The following CAST variants were observed in gnomAD, a reference collection of about 807,000 sequenced individuals.
CAST encodes the protein MIR583 host.
In CAST, 76 loss-of-function variants were observed where a neutral mutation model predicts 119.6. The observed-to-expected ratio is 0.64, with a 90% confidence interval of 0.53 to 0.77. CAST has a LOEUF of 0.77. CAST is among the 30% of genes least tolerant of loss of function. CAST has a pLI of 0.00. For missense variants in CAST, 953 were observed against 946.5 expected, an observed-to-expected ratio of 1.01 and a Z score of -0.09; for synonymous variants, 319 against 331.6, an observed-to-expected ratio of 0.96 and a Z score of 0.41.
chr5:96,129,109 T>C, the CAST span, among the ~76,000 whole-genome samples: 1 of 152,102 alleles, frequency 6.6e-6, no homozygotes, highest in Non-Finnish European at 1.5e-5. Flanking sequence ...TGCACTCTTC[T>C]CTATCCTTAG....
the CAST span, among the ~76,000 whole-genome samples, chr5:96,141,860 C>T: frequency 3.9e-5 from 6 of 152,272 alleles, no homozygotes; most frequent in Non-Finnish European, 7.4e-5. Context: ...GGGCGGCATG[C>T]GCTAATGTTA....
Position 96,727,471 on chromosome 5 carries a change from C to A in CAST, c.337-18C>A. 6.9e-7 allele frequency: 1 copy of A among 1,451,682 alleles called. No individual in the cohort carries two copies. The highest frequency in any genetic ancestry group is 9.4e-7 in the Non-Finnish European group (1 of 1,062,998). 89.9% of individuals were successfully genotyped at this position (1,451,682 alleles called of 1,614,324 possible). A position where few individuals can be genotyped will look rare whatever the true frequency, so the allele number is the denominator to read the frequency against. On this transcript the variant is annotated intron_variant, in intron 5 of 31. Transcript: ENST00000675179. ...CTTTTCTTCCTTCCTTTTTTTCTTT[C>A]TTTTTTTCTGAACTTAGGCTGTAAA...
At chr5:96,565,258 G>A (rs938236547) in intron 1 of CAST, among the ~76,000 whole-genome samples, 4 of 151,694 alleles carry the variant, frequency 2.6e-5, no homozygotes, top group Admixed American at 2.0e-4. Flanking sequence ...CATATAGAGA[G>A]GATTTTAAAT....
chr5:96,742,674 C>G lies in CAST; in HGVS notation c.1118C>G (p.Ala373Gly). Residue 373 changes from alanine (A) to glycine (G), a missense_variant, in exon 16 of 32, where the codon GCA (alanine) becomes GGA (glycine). Ala to Gly is a moderately conservative substitution (Grantham distance 60). Coordinates refer to ENST00000675179, the MANE Select transcript of CAST (RefSeq NM_001750.7). ...KVEKDTMSDQALEALSASLGT... is the reference protein window; with the variant it reads ...KVEKDTMSDQGLEALSASLGT... Reference sequence around the variant, plus strand: ...TAACAGGATACAATGAGTGATCAAGCACTCGAGGCTCTGTCGGCTTCACTG... The same window carrying G: ...TAACAGGATACAATGAGTGATCAAGGACTCGAGGCTCTGTCGGCTTCACTG... The G allele has an allele frequency of 6.2e-7, 1 of 1,612,928 alleles. No individual in the cohort carries two copies. The highest frequency in any genetic ancestry group is 8.5e-7 in the Non-Finnish European group (1 of 1,178,962).
the CAST span, among the ~76,000 whole-genome samples, chr5:96,495,445 T>C: frequency 6.6e-6 from 1 of 152,144 alleles, no homozygotes. Context: ...TAGGCCCTGA[T>C]GTGTGATGTT....
the CAST span, among the ~76,000 whole-genome samples, chr5:96,083,609 G>T: frequency 6.6e-6 from 1 of 152,146 alleles, no homozygotes; most frequent in Non-Finnish European, 1.5e-5. Flanking sequence ...CCTACCACCA[G>T]GGCATTAGAA....
intron 1 of CAST, among the ~76,000 whole-genome samples, chr5:96,574,037 T>TGTTCTG (rs1237922155): frequency 3.8e-4 from 1 of 2,646 alleles, no homozygotes; most frequent in Non-Finnish European, 4.9e-4. Flanking sequence ...TTTTTTTTTT[T>TGTTCTG]TTTTTTTTTT....
At chr5:96,515,400 G>A in the CAST span, among the ~76,000 whole-genome samples, 1 of 151,786 alleles carries the variant, frequency 6.6e-6, no homozygotes, top group African/African-American at 2.4e-5. Flanking sequence ...CAGTCATTTT[G>A]GGACCATAAA....
the CAST span, among the ~76,000 whole-genome samples, chr5:96,520,136 C>T: frequency 3.9e-5 from 6 of 152,182 alleles, no homozygotes. Context: ...CAAAACCATT[C>T]CCTTTTTTGC....
chr5:96,555,067 G>A (rs1327854370), intron 1 of CAST, among the ~76,000 whole-genome samples: 2 of 152,116 alleles, frequency 1.3e-5, no homozygotes, highest in Non-Finnish European at 2.9e-5. Flanking sequence ...ATACCCAAAG[G>A]CTTATAAATC....
intron 30 of CAST, among the ~76,000 whole-genome samples, chr5:96,771,053 A>G (rs1328785877): frequency 6.6e-6 from 1 of 152,192 alleles, no homozygotes; most frequent in East Asian, 1.9e-4. Flanking sequence ...TATAAGGAGG[A>G]GTTAAAGGTG....
At chr5:96,307,057 G>T in the CAST span, among the ~76,000 whole-genome samples, 2 of 152,176 alleles carry the variant, frequency 1.3e-5, no homozygotes, top group Non-Finnish European at 2.9e-5. Context: ...GGGTGTTAAA[G>T]TCTCCCACTA....
the CAST span, among the ~76,000 whole-genome samples, chr5:96,167,595 T>TCTG: frequency 1.3e-5 from 2 of 152,300 alleles, no homozygotes; most frequent in Middle Eastern, 6.8e-3. Flanking sequence ...AGACCATTAG[T>TCTG]TCACTGAATA....
chr5:96,003,394 C>T, the CAST span, among the ~76,000 whole-genome samples: 13 of 151,868 alleles, frequency 8.6e-5, no homozygotes, highest in South Asian at 6.2e-4. Flanking sequence ...AAAAATTAGC[C>T]GGGTGTGGTG....
intron 1 of CAST, among the ~76,000 whole-genome samples, chr5:96,631,884 A>G (rs1001152059): frequency 3.3e-5 from 5 of 152,110 alleles, no homozygotes; most frequent in Non-Finnish European, 7.4e-5. Flanking sequence ...GCCGGGTCAT[A>G]TGGTAATTCT....
the CAST span, among the ~76,000 whole-genome samples, chr5:96,028,871 TA>T: frequency 1.3e-5 from 2 of 152,118 alleles, no homozygotes; most frequent in African/African-American, 4.8e-5. Flanking sequence ...GACTCTGATT[TA>T]AAAAATTGTT....
intron 2 of CAST, among the ~76,000 whole-genome samples, chr5:96,677,222 T>A (rs1750822454): frequency 6.6e-6 from 1 of 152,218 alleles, no homozygotes; most frequent in Non-Finnish European, 1.5e-5. Flanking sequence ...ACAATGTTTT[T>A]GGTTGTTATT....
the CAST span, among the ~76,000 whole-genome samples, chr5:96,357,966 T>A: frequency 2.6e-5 from 4 of 152,116 alleles, no homozygotes; most frequent in Admixed American, 2.0e-4. Context: ...GTCCTGAACT[T>A]TTTTTTGTTG....
At chr5:96,516,473 C>G in the CAST span, among the ~76,000 whole-genome samples, 1 of 152,088 alleles carries the variant, frequency 6.6e-6, no homozygotes, top group Non-Finnish European at 1.5e-5. Flanking sequence ...TTTTGACATC[C>G]ATTCTCATTT....
Sources: allele counts gnomAD v4.1 joint callset (sites outside exome capture counted in the v4.1 genomes callset), GRCh38; gene constraint gnomAD v4.1.1; transcripts MANE v1.5; gene names NCBI Gene and HGNC (gene_info 2026-07-23, HGNC 2026-07-21).